The following DPP10 variants were observed in gnomAD, a reference collection of about 807,000 sequenced individuals.
DPP10 encodes inactive dipeptidyl peptidase 10.
In DPP10, 33 loss-of-function variants were observed where a neutral mutation model predicts 120.9. That is an observed-to-expected ratio of 0.27 (90% CI 0.21 to 0.37). The LOEUF (loss-of-function observed/expected upper bound fraction) is 0.37, where lower values mean the gene tolerates loss of function less well. Among genes scored for constraint, DPP10 ranks in the 10% least tolerant of loss-of-function variants. The pLI, the probability that DPP10 is intolerant of heterozygous loss-of-function variation, is 1.00. For synonymous variants in DPP10, 337 were observed against 326.1 expected, an observed-to-expected ratio of 1.03 and a Z score of -0.36; for missense variants, 816 against 942.8, an observed-to-expected ratio of 0.87 and a Z score of 1.76.
At chr2:115,756,015 A>G (rs911049177) in intron 11 of DPP10, among the ~76,000 whole-genome samples, 4 of 152,218 alleles carry the variant, frequency 2.6e-5, no homozygotes, top group Admixed American at 2.6e-4. Flanking sequence ...AAAGAATGAA[A>G]TTCTGTCATT....
At chr2:114,798,267 T>G (rs1683886450) in intron 1 of DPP10, among the ~76,000 whole-genome samples, 2 of 152,118 alleles carry the variant, frequency 1.3e-5, no homozygotes, top group South Asian at 4.1e-4. Flanking sequence ...TTTAAAGTAA[T>G]GGGTCAGTGT....
At chr2:115,663,110 G>A (rs746989820) in intron 5 of DPP10, among the ~76,000 whole-genome samples, 8 of 151,910 alleles carry the variant, frequency 5.3e-5, no homozygotes, top group South Asian at 2.1e-4. Context: ...GGAAAATTGA[G>A]CATCCATCCC....
chr2:115,038,258 TTTTA>T (rs80087104), intron 1 of DPP10, among the ~76,000 whole-genome samples: 123 of 150,102 alleles, frequency 8.2e-4, no homozygotes, highest in African/African-American at 2.7e-3. Flanking sequence ...TTATTTATTA[TTTTA>T]TTTATTTATT....
rs558915816 is a variant in DPP10 at position 115,433,041 on chromosome 2, A to G, written c.272-66469A>G. ...TCCCTGCCCTGAGAAAAGGGACTCTATTTTCTGTCAGACAGTAAGGATTGG... is the reference window on the plus strand; with the variant it reads ...TCCCTGCCCTGAGAAAAGGGACTCTGTTTTCTGTCAGACAGTAAGGATTGG... On this transcript the variant is annotated intron_variant, in intron 3 of 25. Transcript: ENST00000410059. 1.1e-4 allele frequency among the ~76,000 whole-genome samples: 16 copies of G among 151,934 alleles called. No individual in the cohort carries two copies. The South Asian group carries it at 3.3e-3, about 32-fold the overall frequency.
chr2:115,774,382 A>G (rs1027913274), intron 13 of DPP10, among the ~76,000 whole-genome samples: 12 of 152,072 alleles, frequency 7.9e-5, no homozygotes, highest in Non-Finnish European at 1.3e-4. Context: ...ATTGGCATCA[A>G]AGATGCACTA....
At chr2:114,468,397 C>CAAAAAAAAAAAAAAAAAAAAAAAAAAAAA (rs71297186) in intron 1 of DPP10, among the ~76,000 whole-genome samples, 1 of 69,560 alleles carries the variant, frequency 1.4e-5, no homozygotes, top group African/African-American at 5.3e-5. Context: ...GCTTACAATG[C>CAAAAAAAAAAAAAAAAAAAAAAAAAAAAA]AAAAAAAAAA....
chr2:115,012,143 A>G (rs1318462046), intron 1 of DPP10, among the ~76,000 whole-genome samples: 1 of 152,064 alleles, frequency 6.6e-6, no homozygotes, highest in Non-Finnish European at 1.5e-5. Flanking sequence ...GCCCCGCCCA[A>G]GGAGAGACTG....
chr2:114,664,367 G>C (rs1322394562), intron 1 of DPP10, among the ~76,000 whole-genome samples: 1 of 151,932 alleles, frequency 6.6e-6, no homozygotes, highest in Non-Finnish European at 1.5e-5. Context: ...GGTGGCTCAT[G>C]CCTGTCATCC....
At chr2:115,804,833 C>A (rs1685721966) in intron 19 of DPP10, among the ~76,000 whole-genome samples, 1 of 152,196 alleles carries the variant, frequency 6.6e-6, no homozygotes, top group South Asian at 2.1e-4. Flanking sequence ...AGGTGTCAGT[C>A]TGCCCCTTCT....
At chr2:115,558,963 C>T (rs773026043) in intron 5 of DPP10, among the ~76,000 whole-genome samples, 1 of 152,112 alleles carries the variant, frequency 6.6e-6, no homozygotes, top group African/African-American at 2.4e-5. Context: ...GAATTGCCCG[C>T]AGTGAGCTAG....
chr2:115,798,829 T>A (rs977215200), intron 19 of DPP10, among the ~76,000 whole-genome samples: 10 of 152,160 alleles, frequency 6.6e-5, no homozygotes, highest in African/African-American at 1.2e-4. Context: ...TTGTTCTTCC[T>A]CTTGGAGGGC....
intron 3 of DPP10, among the ~76,000 whole-genome samples, chr2:115,489,267 A>G (rs1271893220): frequency 1.3e-5 from 2 of 151,798 alleles, no homozygotes; most frequent in African/African-American, 4.8e-5. Context: ...AGAAAGCCAG[A>G]TTAGCCCAAT....
chr2:115,571,791 CA>C (rs1353227593), intron 5 of DPP10, among the ~76,000 whole-genome samples: 1 of 151,144 alleles, frequency 6.6e-6, no homozygotes. Context: ...CCCATAGTCT[CA>C]AAACCCCAAG....
chr2:115,793,275 T>G (rs34757950), intron 19 of DPP10, among the ~76,000 whole-genome samples: 11,165 of 152,136 alleles, frequency 0.073, 505 homozygotes, highest in South Asian at 0.14. Flanking sequence ...CACTGCTGAA[T>G]TTTTTGAATC....
chr2:115,718,868 G>A (rs2092572537), intron 7 of DPP10, among the ~76,000 whole-genome samples: 1 of 152,146 alleles, frequency 6.6e-6, no homozygotes, highest in Non-Finnish European at 1.5e-5. Flanking sequence ...AAGTTGGGTA[G>A]AGAAGAAAAT....
intron 4 of DPP10, among the ~76,000 whole-genome samples, chr2:115,511,809 C>T (rs1471428130): frequency 6.7e-6 from 1 of 149,432 alleles, no homozygotes; most frequent in Non-Finnish European, 1.5e-5. Flanking sequence ...CTCACTGCAG[C>T]CTCAACCTCC....
At chr2:114,914,702 A>G (rs1694638783) in intron 1 of DPP10, among the ~76,000 whole-genome samples, 1 of 152,212 alleles carries the variant, frequency 6.6e-6, no homozygotes, top group African/African-American at 2.4e-5. Context: ...ACATATCAAC[A>G]TTAACCTTAA....
chr2:115,365,634 A>G (rs952635768), intron 3 of DPP10, among the ~76,000 whole-genome samples: 31 of 152,086 alleles, frequency 2.0e-4, no homozygotes, highest in Admixed American at 2.0e-4. Flanking sequence ...GGAAAGTCAA[A>G]ACCAGAAAGC....
chr2:115,109,702 C>G (rs1448286499), intron 1 of DPP10, among the ~76,000 whole-genome samples: 7 of 152,166 alleles, frequency 4.6e-5, no homozygotes, highest in African/African-American at 1.7e-4. Context: ...CAGTGGCTCT[C>G]AATTGGAGGT....
Sources: allele counts gnomAD v4.1 joint callset (sites outside exome capture counted in the v4.1 genomes callset), GRCh38; gene constraint gnomAD v4.1.1; transcripts MANE v1.5; gene names NCBI Gene and HGNC (gene_info 2026-07-23, HGNC 2026-07-21).